CCDC190: variants seen among roughly 807,000 people sequenced by gnomAD.
CCDC190 encodes the protein coiled-coil domain containing 190, also known as coiled-coil domain-containing protein 190.
A neutral mutation model predicts 13.1 loss-of-function variants in CCDC190; 10 were observed. That is an observed-to-expected ratio of 0.77 (90% confidence interval 0.47 to 1.30). CCDC190 has a LOEUF of 1.30. CCDC190 is among the 50% of genes most tolerant of loss of function. CCDC190 has a pLI of 0.00. For missense variants in CCDC190, 375 were observed against 354.3 expected (o/e 1.06, Z -0.47); for synonymous variants, 136 against 127.2 (o/e 1.07, Z -0.47).
rs1019891357 is a variant in CCDC190, at chr1:162,854,514, A to G, written c.*251T>C. ...CAAGTCCAGTCATCAATATATATTC[A>G]TATTTTTGATGACATCATAAACATA... On this transcript the variant is annotated 3_prime_UTR_variant, in exon 4 of 4. Transcript: ENST00000367912. 1.6e-6 allele frequency: 2 copies of G among 1,241,956 alleles called. No homozygotes were observed. The highest frequency in any genetic ancestry group is 2.6e-5 in the South Asian group (1 of 39,060). The allele number at this position is 1,241,956 out of a possible 1,614,324, so 76.9% of individuals were successfully genotyped here. A position where few individuals can be genotyped will look rare whatever the true frequency, so the allele number is the denominator to read the frequency against.
rs578018868 is a variant in CCDC190 at position 162,852,895 on chromosome 1, C to G, written c.*1870G>C. ...AGAATTGTGATGACGATAGGCAAGGCTTGCGTAGAAGACAAGAAGAAAGAA... is the reference window on the plus strand; with the variant it reads ...AGAATTGTGATGACGATAGGCAAGGGTTGCGTAGAAGACAAGAAGAAAGAA... On this transcript the variant is annotated 3_prime_UTR_variant, in exon 4 of 4. Transcript: ENST00000367912. 1 of 552,160 alleles carries G rather than the reference C, an allele frequency of 1.8e-6. No individual in the cohort carries two copies. The highest frequency in any genetic ancestry group is 3.0e-5 in the East Asian group (1 of 33,842). 34.2% of individuals were successfully genotyped at this position (552,160 alleles called of 1,614,324 possible). A position where few individuals can be genotyped will look rare whatever the true frequency, so the allele number is the denominator to read the frequency against.
Position 162,861,081 on chromosome 1 carries a change from G to T in CCDC190, c.-86C>A. The T allele has an allele frequency of 1.1e-6, 1 of 945,152 alleles. No homozygotes were observed. Among genetic ancestry groups the T allele is most frequent in the Non-Finnish European group, 1.3e-6 (1 of 793,352 alleles). The allele number at this position is 945,152 out of a possible 1,614,324, so 58.5% of individuals were successfully genotyped here. A position where few individuals can be genotyped will look rare whatever the true frequency, so the allele number is the denominator to read the frequency against. On this transcript the variant is annotated 5_prime_UTR_variant, in exon 1 of 4. Transcript: ENST00000367912. Reference sequence around the variant, plus strand: ...TATGTCAGACTGAGTCTTGATTAATGAGCTTATTTTTCTTCAGTAAACTTA... The same window carrying T: ...TATGTCAGACTGAGTCTTGATTAATTAGCTTATTTTTCTTCAGTAAACTTA...
At chr1:162,867,474 A>T (rs1403976980) in intron 1 of CCDC190, among the ~76,000 whole-genome samples, 1 of 152,198 alleles carries the variant, frequency 6.6e-6, no homozygotes, top group East Asian at 1.9e-4. Flanking sequence ...GATTTTATTC[A>T]TTGGTTTTGT....
intron 1 of CCDC190, among the ~76,000 whole-genome samples, chr1:162,859,996 G>C (rs1213177560): frequency 6.7e-6 from 1 of 150,262 alleles, no homozygotes; most frequent in Non-Finnish European, 1.5e-5. Flanking sequence ...ACATATATAA[G>C]GCATTATTTA....
upstream of CCDC190, among the ~76,000 whole-genome samples, chr1:162,863,307 T>C (rs1036739368): frequency 6.6e-6 from 1 of 152,204 alleles, no homozygotes; most frequent in African/African-American, 2.4e-5. Context: ...GGTTTCCTTA[T>C]TTGTAAAATA....
At chr1:162,858,827 T>C (rs562303058) in intron 2 of CCDC190, among the ~76,000 whole-genome samples, 18 of 152,358 alleles carry the variant, frequency 1.2e-4, no homozygotes, top group African/African-American at 3.8e-4. Flanking sequence ...AGGGTTTCAA[T>C]TGTGTAACAA....
rs1340200218 is a variant in CCDC190, at chr1:162,854,974, C to T, written c.697G>A (p.Ala233Thr). The T allele has an allele frequency of 6.2e-7, 1 of 1,613,916 alleles. No homozygotes were observed. The highest frequency in any genetic ancestry group is 1.3e-5 in the African/African-American group (1 of 74,928). ...GTGAACTCGCCTTCGAAGCTTCCTGCACATTCCATGTGTTTTGGGGGAATT... is the reference window on the plus strand; with the variant it reads ...GTGAACTCGCCTTCGAAGCTTCCTGTACATTCCATGTGTTTTGGGGGAATT... ...KQIPPKHMECAGSFEGEFTKP... is the reference protein window; with the variant it reads ...KQIPPKHMECTGSFEGEFTKP... The change falls in exon 4 of 4, where the codon GCA becomes ACA. Residue 233 changes from alanine (A) to threonine (T), a missense_variant. By Grantham distance (58) the Ala-to-Thr change is moderately conservative. Transcript: ENST00000367912.
chr1:162,855,086 G>A lies in CCDC190; in HGVS notation c.585C>T (p.Ser195=). ...TNTIEQGPSS[S]PASDSGMACA... ...ATGCCATTCCACTATCACTAGCTGG[G>A]CTGGAACTAGGACCTTGTTCTATGG... The change falls in exon 4 of 4, where the codon AGC becomes AGT. Residue 195 remains serine (S), a synonymous_variant. Transcript: ENST00000367912. 2 of 1,613,986 alleles carry A rather than the reference G, an allele frequency of 1.2e-6. No homozygotes were observed. The highest frequency in any genetic ancestry group is 1.3e-5 in the African/African-American group (1 of 75,022).
At position 162,851,290 on chromosome 1, in the gene CCDC190, A is replaced by ATTTTTTTTTTT. The variant is rs954335609; in HGVS notation, c.*3464_*3474dup. ...GTCCACACACCTCTGGTTCCTCTCCATTTTTTTTTTTTTTTTTTTTTTTTT... is the reference window on the plus strand; with the variant it reads ...GTCCACACACCTCTGGTTCCTCTCCATTTTTTTTTTTTTTTTTTTTTTTTTTTTTTTTTTTT... On this transcript the variant is annotated 3_prime_UTR_variant, in exon 4 of 4. Coordinates refer to ENST00000367912, the MANE Select transcript of CCDC190 (RefSeq NM_001394065.1). The ATTTTTTTTTTT allele has an allele frequency of 1.2e-5, 1 of 84,008 alleles. No homozygotes were observed. Among genetic ancestry groups the ATTTTTTTTTTT allele is most frequent in the Admixed American group, 1.4e-4 (1 of 7,154 alleles). The allele number at this position is 84,008 out of a possible 1,614,324, so 5.2% of individuals were successfully genotyped here.
chr1:162,857,489 C>A (rs1398733971), intron 2 of CCDC190, among the ~76,000 whole-genome samples: 1 of 152,108 alleles, frequency 6.6e-6, no homozygotes, highest in African/African-American at 2.4e-5. Context: ...CCTCCTCTTC[C>A]CCACTTCCAT....
rs373634463 is a variant in CCDC190 at position 162,855,646 on chromosome 1, C to A, written c.297G>T (p.Gln99His). 43 of 1,613,656 alleles carry A rather than the reference C, an allele frequency of 2.7e-5. No individual in the cohort carries two copies. The Middle Eastern group carries it at 9.9e-4, about 37-fold the overall frequency. ...CCATTTCTTACCTCATTTTCTTAGC[C>A]TGTGGGGCTCTGTGCTTCTGCCTTC... ...PQGRQKHRAP[Q>H]AKKMRALATR... The change falls in exon 3 of 4, where the codon CAG (glutamine) becomes CAT (histidine). Residue 99 changes from glutamine to histidine, a missense_variant. By Grantham distance (24) the Gln-to-His change is conservative (BLOSUM62 0). Coordinates refer to ENST00000367912, the MANE Select transcript of CCDC190 (RefSeq NM_001394065.1).
At chr1:162,855,799 C>T in intron 2 of CCDC190, 44 bp from the exon 3 acceptor site, 1 of 1,544,122 alleles carries the variant, frequency 6.5e-7, no homozygotes. Flanking sequence ...GGATTGTGTC[C>T]TTAAATTTTT....
At chr1:162,861,796 GC>G (rs1405426177), upstream of CCDC190, among the ~76,000 whole-genome samples, 1 of 152,120 alleles carries the variant, frequency 6.6e-6, no homozygotes, top group African/African-American at 2.4e-5. Flanking sequence ...TTTTACTGTT[GC>G]CTTGGAGCTT....
At chr1:162,865,373 C>T (rs1650658528), upstream of CCDC190, among the ~76,000 whole-genome samples, 1 of 152,084 alleles carries the variant, frequency 6.6e-6, no homozygotes, top group Non-Finnish European at 1.5e-5. Context: ...ATTGAAACAA[C>T]ACTATCAACC....
At position 162,853,398 on chromosome 1, in the gene CCDC190, G is replaced by T. The variant is rs1464436605; in HGVS notation, c.*1367C>A. Among the ~76,000 whole-genome samples, 1 of 152,198 alleles carries T rather than the reference G, an allele frequency of 6.6e-6. No individual in the cohort carries two copies. Among genetic ancestry groups the T allele is most frequent in the Non-Finnish European group, 1.5e-5 (1 of 68,036 alleles). ...GCAGCATTGTTTTGAGGATCAGTTG[G>T]CATGCTGTGTGGAATGTGTCAGGAT... On this transcript the variant is annotated 3_prime_UTR_variant, in exon 4 of 4. Transcript: ENST00000367912.
At chr1:162,861,965 C>T (rs143932927), upstream of CCDC190, among the ~76,000 whole-genome samples, 25 of 151,948 alleles carry the variant, frequency 1.6e-4, no homozygotes, top group Admixed American at 7.9e-4. Flanking sequence ...AAAGAGATTA[C>T]GAGGGGTGGC....
rs1440197830 is a variant in CCDC190, at chr1:162,851,499, T to A, written c.*3266A>T. ...TGAGAGGAGCTGGTCCCTCCAGTGTTCATGGTAAAAACTTACCCAACTTTC... is the reference window on the plus strand; with the variant it reads ...TGAGAGGAGCTGGTCCCTCCAGTGTACATGGTAAAAACTTACCCAACTTTC... On this transcript the variant is annotated 3_prime_UTR_variant, in exon 4 of 4. Coordinates refer to ENST00000367912, the MANE Select transcript of CCDC190 (RefSeq NM_001394065.1). 1.3e-5 allele frequency: 2 copies of A among 151,996 alleles called. No individual in the cohort carries two copies. Among genetic ancestry groups the A allele is most frequent in the African/African-American group, 4.8e-5 (2 of 41,332 alleles). The allele number at this position is 151,996 out of a possible 1,614,324, so 9.4% of individuals were successfully genotyped here. A position where few individuals can be genotyped will look rare whatever the true frequency, so the allele number is the denominator to read the frequency against.
Position 162,851,289 on chromosome 1 carries a change from C to CTTTT in CCDC190, c.*3475_*3476insAAAA, listed in dbSNP as rs1650098442. ...GGTCCACACACCTCTGGTTCCTCTC[C>CTTTT]ATTTTTTTTTTTTTTTTTTTTTTTT... On this transcript the variant is annotated 3_prime_UTR_variant, in exon 4 of 4. Transcript: ENST00000367912. 1 of 139,860 alleles carries CTTTT rather than the reference C, an allele frequency of 7.2e-6. No individual in the cohort carries two copies. The highest frequency in any genetic ancestry group is 2.8e-5 in the African/African-American group (1 of 35,538). The allele number at this position is 139,860 out of a possible 1,614,324, so 8.7% of individuals were successfully genotyped here. A position where few individuals can be genotyped will look rare whatever the true frequency, so the allele number is the denominator to read the frequency against.
chr1:162,865,998 T>C (rs1650692850), upstream of CCDC190, among the ~76,000 whole-genome samples: 2 of 151,264 alleles, frequency 1.3e-5, no homozygotes, highest in Admixed American at 1.3e-4. Context: ...CACTTATATC[T>C]TGTGTGATTT....
Sources: gnomAD v4.1 joint callset for allele counts (sites outside exome capture counted in the v4.1 genomes callset) on GRCh38, gnomAD v4.1.1 for gene constraint, MANE v1.5 for transcripts, NCBI Gene and HGNC (gene_info 2026-07-23, HGNC 2026-07-21) for gene names.